Variants in PPIP5K2 observed in about 807,000 individuals in gnomAD.
PPIP5K2 encodes the protein diphosphoinositol pentakisphosphate kinase 2, also known as inositol hexakisphosphate and diphosphoinositol-pentakisphosphate kinase 2.
PPIP5K2 carries 105 observed loss-of-function variants against 154.6 expected under a neutral mutation model. The observed-to-expected ratio is 0.68, with a 90% CI of 0.58 to 0.80. The LOEUF (loss-of-function observed/expected upper bound fraction) is 0.80, where lower values mean the gene tolerates loss of function less well. Among genes scored for constraint, PPIP5K2 ranks in the 30% least tolerant of loss-of-function variants. The pLI is 0.00. For synonymous variants in PPIP5K2, 480 were observed against 490.3 expected, an observed-to-expected ratio of 0.98 and a Z score of 0.28; for missense variants, 992 against 1,504.6, an observed-to-expected ratio of 0.66 and a Z score of 5.64.
chr5:103,181,146 C>A (rs1554222730), intron 24 of PPIP5K2, among the ~76,000 whole-genome samples: 1 of 151,984 alleles, frequency 6.6e-6, no homozygotes, highest in African/African-American at 2.4e-5. Flanking sequence ...AGCTTTAGCA[C>A]CTGTATACAT....
chr5:103,200,614 TTTTATTTATTTA>T (rs146954556), intron 30 of PPIP5K2, among the ~76,000 whole-genome samples: 8 of 149,166 alleles, frequency 5.4e-5, no homozygotes, highest in East Asian at 4.0e-4. Context: ...TGGTTTTTTA[TTTTATTTATTTA>T]TTTATTTATT....
chr5:103,130,686 CTT>C (rs1334707167), intron 2 of PPIP5K2, among the ~76,000 whole-genome samples: 2 of 152,142 alleles, frequency 1.3e-5, no homozygotes, highest in Non-Finnish European at 2.9e-5. Context: ...CCAGCTCAAA[CTT>C]TTCTTCATCT....
chr5:103,157,775 G>A (rs1341993139), intron 14 of PPIP5K2, among the ~76,000 whole-genome samples: 1 of 151,948 alleles, frequency 6.6e-6, no homozygotes, highest in Non-Finnish European at 1.5e-5. Flanking sequence ...GGACAGCACT[G>A]CAAAGGGTGC....
intron 16 of PPIP5K2, among the ~76,000 whole-genome samples, chr5:103,158,931 A>G (rs1318773060): frequency 6.6e-6 from 1 of 151,990 alleles, no homozygotes; most frequent in African/African-American, 2.4e-5. Context: ...CCTTGTCTCA[A>G]AAAAAAACCA....
intron 24 of PPIP5K2, among the ~76,000 whole-genome samples, chr5:103,181,322 CT>C (rs1799512867): frequency 6.6e-6 from 1 of 151,888 alleles, no homozygotes; most frequent in African/African-American, 2.4e-5. Flanking sequence ...AAACCTGGCA[CT>C]TTGGGAGGCC....
chr5:103,210,448 A>C lies in PPIP5K2; in HGVS notation c.*8814A>C, dbSNP rs1803742352. The C allele has an allele frequency of 6.6e-6, 1 of 152,092 alleles. No homozygotes were observed. Among genetic ancestry groups the C allele is most frequent in the Non-Finnish European group, 1.5e-5 (1 of 67,994 alleles). 9.4% of individuals were successfully genotyped at this position (152,092 alleles called of 1,614,324 possible). ...TACACTTTTTGAGAAGCCTCTTCAG[A>C]AAAGAGCAAAGTTGTCTGCTCTAAT... On this transcript the variant is annotated 3_prime_UTR_variant, in exon 31 of 31. Coordinates refer to ENST00000358359, the MANE Select transcript of PPIP5K2 (RefSeq NM_001276277.3).
At chr5:103,176,997 A>G (rs571741421) in intron 21 of PPIP5K2, 31 of 957,230 alleles carry the variant, frequency 3.2e-5, no homozygotes, top group Admixed American at 5.3e-5. Context: ...TGATAGGCCT[A>G]TATTGCATAC....
intron 28 of PPIP5K2, chr5:103,189,161 G>A (rs1554226086): frequency 7.9e-6 from 12 of 1,524,772 alleles, no homozygotes; most frequent in Non-Finnish European, 1.1e-5. Flanking sequence ...CTGGGCCTCT[G>A]TGCAGAACAC....
chr5:103,169,581 C>A (rs1258476647), intron 19 of PPIP5K2, among the ~76,000 whole-genome samples: 1 of 151,570 alleles, frequency 6.6e-6, no homozygotes, highest in African/African-American at 2.4e-5. Flanking sequence ...TGAAAGAGAA[C>A]TATATATTTG....
intron 14 of PPIP5K2, among the ~76,000 whole-genome samples, chr5:103,157,578 G>A (rs1219440400): frequency 6.6e-6 from 1 of 151,806 alleles, no homozygotes; most frequent in Non-Finnish European, 1.5e-5. Context: ...AAGATTTCGA[G>A]ACCAGCCTGG....
Position 103,154,960 on chromosome 5 carries a change from A to C in PPIP5K2, c.1403+17A>C, listed in dbSNP as rs782798190. 1 of 1,483,970 alleles carries C rather than the reference A, an allele frequency of 6.7e-7. No homozygotes were observed. Among genetic ancestry groups the C allele is most frequent in the South Asian group, 1.3e-5 (1 of 77,288 alleles). The allele number at this position is 1,483,970 out of a possible 1,614,324, so 91.9% of individuals were successfully genotyped here. Reference sequence around the variant, plus strand: ...ATTAGAGATGTGAGTATCTTTTTGAAACGCTTAATTGTGGTACTACATATA... The same window carrying C: ...ATTAGAGATGTGAGTATCTTTTTGACACGCTTAATTGTGGTACTACATATA... On this transcript the variant is annotated intron_variant, in intron 13 of 30. Coordinates refer to ENST00000358359, the MANE Select transcript of PPIP5K2 (RefSeq NM_001276277.3).
chr5:103,155,795 T>C (rs1795331461), intron 13 of PPIP5K2, 114 bp from the exon 14 acceptor site: 2 of 745,756 alleles, frequency 2.7e-6, no homozygotes, highest in African/African-American at 3.6e-5. Flanking sequence ...CAATTTTTTT[T>C]TGATAGAATA....
chr5:103,162,511 C>T (rs781906838), intron 17 of PPIP5K2, among the ~76,000 whole-genome samples: 22 of 151,714 alleles, frequency 1.5e-4, no homozygotes, highest in African/African-American at 1.9e-4. Flanking sequence ...TACAGGTGCA[C>T]GCCACCATGC....
intron 17 of PPIP5K2, among the ~76,000 whole-genome samples, chr5:103,165,539 C>G: frequency 6.6e-6 from 1 of 151,978 alleles, no homozygotes; most frequent in East Asian, 1.9e-4. Flanking sequence ...AGTAAGACAT[C>G]AGTTTGAAGA....
chr5:103,144,097 A>G (rs1041979185), intron 5 of PPIP5K2, among the ~76,000 whole-genome samples: 1 of 152,146 alleles, frequency 6.6e-6, no homozygotes, highest in South Asian at 2.1e-4. Flanking sequence ...ATACAATATT[A>G]ACTTACAAAA....
intron 17 of PPIP5K2, among the ~76,000 whole-genome samples, chr5:103,162,568 G>A (rs778491210): frequency 1.3e-5 from 2 of 151,872 alleles, no homozygotes; most frequent in Non-Finnish European, 2.9e-5. Flanking sequence ...TCACTGTGTT[G>A]CCCAGGCTAG....
chr5:103,148,476 G>A (rs1794093042), intron 7 of PPIP5K2, among the ~76,000 whole-genome samples: 1 of 152,036 alleles, frequency 6.6e-6, no homozygotes, highest in Non-Finnish European at 1.5e-5. Context: ...GTGACAAATA[G>A]GTCTTAATCG....
chr5:103,173,431 C>A, intron 20 of PPIP5K2, 149 bp downstream of exon 20: 1 of 1,010,232 alleles, frequency 9.9e-7, no homozygotes, highest in Non-Finnish European at 1.4e-6. Context: ...TATTAAGTTC[C>A]AACCAAAGTT....
intron 19 of PPIP5K2, 67 bp from the exon 20 acceptor site, chr5:103,173,088 G>A: frequency 2.3e-6 from 3 of 1,306,520 alleles, no homozygotes; most frequent in South Asian, 3.0e-5. Context: ...GACTAATTTA[G>A]GAGTGTATTT....
Sources: allele counts gnomAD v4.1 joint callset (sites outside exome capture counted in the v4.1 genomes callset), GRCh38; gene constraint gnomAD v4.1.1; transcripts MANE v1.5; gene names NCBI Gene and HGNC (gene_info 2026-07-23, HGNC 2026-07-21).